The following FRMD3 variants were observed in gnomAD, a reference collection of about 807,000 sequenced individuals.
The protein encoded by FRMD3 is FERM domain-containing protein 3.
In FRMD3, 33 loss-of-function variants were observed where a neutral mutation model predicts 70.2. That is an observed-to-expected ratio of 0.47 (90% CI 0.36 to 0.63). The LOEUF is 0.63. FRMD3 is among the 20% of genes least tolerant of loss of function. FRMD3 has a pLI of 0.00. For missense variants in FRMD3, 632 were observed against 711.4 expected (o/e 0.89, Z 1.27); for synonymous variants, 279 against 255.9 (o/e 1.09, Z -0.86).
chr9:83,367,067 C>T (rs1274818676), intron 3 of FRMD3, among the ~76,000 whole-genome samples: 2 of 152,330 alleles, frequency 1.3e-5, no homozygotes, highest in Non-Finnish European at 2.9e-5. Context: ...TGAGAAGTCA[C>T]TGTTATGTTG....
intron 3 of FRMD3, among the ~76,000 whole-genome samples, chr9:83,368,789 C>T (rs1166900000): frequency 6.6e-6 from 1 of 152,096 alleles, no homozygotes; most frequent in African/African-American, 2.4e-5. Flanking sequence ...GCTAAAAGCT[C>T]CTTGACTAGA....
intron 2 of FRMD3, among the ~76,000 whole-genome samples, chr9:83,379,019 C>T (rs72745011): frequency 0.29 from 43,069 of 150,766 alleles, 6,241 homozygotes; most frequent in South Asian, 0.31. Flanking sequence ...TGAGCCACCA[C>T]GCCCAGCCTG....
chr9:83,372,622 G>C (rs80089246), intron 3 of FRMD3, among the ~76,000 whole-genome samples: 6,675 of 152,076 alleles, frequency 0.044, 221 homozygotes, highest in East Asian at 0.18. Flanking sequence ...TGGTGGCTGT[G>C]TTTAAGAGGT....
the FRMD3 span, among the ~76,000 whole-genome samples, chr9:83,581,378 G>A: frequency 3.0e-4 from 46 of 152,222 alleles, no homozygotes; most frequent in East Asian, 1.9e-4. Context: ...CTCAACTTCC[G>A]TAATCATTGA....
chr9:83,354,890 AAAAAT>A (rs1434095059), intron 3 of FRMD3, among the ~76,000 whole-genome samples: 1 of 152,198 alleles, frequency 6.6e-6, no homozygotes, highest in Non-Finnish European at 1.5e-5. Flanking sequence ...TACCTTGAAA[AAAAAT>A]AAAACACTCA....
At chr9:83,342,697 TAGA>T (rs1278057266) in intron 5 of FRMD3, among the ~76,000 whole-genome samples, 8 of 71,890 alleles carry the variant, frequency 1.1e-4, no homozygotes, top group South Asian at 3.9e-4. Flanking sequence ...ATAGATTAGA[TAGA>T]TAGATAGATA....
At chr9:83,454,742 C>T (rs999589996) in intron 1 of FRMD3, among the ~76,000 whole-genome samples, 2 of 152,186 alleles carry the variant, frequency 1.3e-5, no homozygotes, top group African/African-American at 4.8e-5. Context: ...TCACACAACC[C>T]ACCAGCCACC....
At chr9:83,324,929 C>G (rs1835951679) in intron 6 of FRMD3, among the ~76,000 whole-genome samples, 1 of 152,218 alleles carries the variant, frequency 6.6e-6, no homozygotes, top group South Asian at 2.1e-4. Context: ...TCACCAATAT[C>G]TTATGGTCAA....
the FRMD3 span, among the ~76,000 whole-genome samples, chr9:83,548,127 G>A: frequency 1.3e-5 from 2 of 152,188 alleles, no homozygotes; most frequent in Non-Finnish European, 2.9e-5. Context: ...TGGTGGAAAT[G>A]TAAAATGGTA....
intron 1 of FRMD3, among the ~76,000 whole-genome samples, chr9:83,477,227 G>C (rs1021350454): frequency 2.6e-5 from 4 of 152,144 alleles, no homozygotes; most frequent in Admixed American, 2.6e-4. Flanking sequence ...CCCAGTGTAG[G>C]AACTTTTGAC....
At position 83,245,103 on chromosome 9, in the gene FRMD3, A is replaced by G. The variant is rs1048223; in HGVS notation, c.*2815T>C. ...TGAGAGGGAGAAGAACCAATAATAC[A>G]TCTCAAATTCCTCAATTAGGGCAAA... On this transcript the variant is annotated 3_prime_UTR_variant, in exon 14 of 14. Transcript: ENST00000304195. 0.66 allele frequency: 654,780 copies of G among 984,976 alleles called. 223,144 individuals are homozygous for G. Among genetic ancestry groups the G allele is most frequent in the South Asian group, 0.71 (15,102 of 21,274 alleles). 61.0% of individuals were successfully genotyped at this position (984,976 alleles called of 1,614,324 possible). A position where few individuals can be genotyped will look rare whatever the true frequency, so the allele number is the denominator to read the frequency against.
intron 13 of FRMD3, among the ~76,000 whole-genome samples, chr9:83,273,635 A>G (rs532089347): frequency 0.024 from 3,353 of 138,280 alleles, 115 homozygotes; most frequent in African/African-American, 0.088. Context: ...AAACCTGGGG[A>G]AAAAAAAAAA....
intron 1 of FRMD3, among the ~76,000 whole-genome samples, chr9:83,434,226 C>A (rs946416747): frequency 6.6e-6 from 1 of 152,218 alleles, no homozygotes; most frequent in Non-Finnish European, 1.5e-5. Context: ...GTCCTCTGAG[C>A]CTCTGATGGA....
Position 83,509,009 on chromosome 9 carries a change from C to T in FRMD3, c.147+29076G>A, listed in dbSNP as rs140939674. Among the ~76,000 whole-genome samples the T allele has an allele frequency of 2.0e-5, 3 of 148,412 alleles. No individual in the cohort carries two copies. The South Asian group carries it at 6.8e-4, about 34-fold the overall frequency. ...CACCCCCAATGCCTTTCCTTCCCCC[C>T]CTCCCCTCCTTGCCTCCTCCCCAAC... is the stretch of plus-strand genomic sequence containing the variant. On this transcript the variant is annotated intron_variant, in intron 1 of 13. Coordinates refer to ENST00000304195, the MANE Select transcript of FRMD3 (RefSeq NM_174938.6).
chr9:83,338,313 C>A (rs1402089584), intron 5 of FRMD3, among the ~76,000 whole-genome samples: 1 of 152,196 alleles, frequency 6.6e-6, no homozygotes, highest in Non-Finnish European at 1.5e-5. Flanking sequence ...GTTGCTCCTC[C>A]AGAGAGCAAG....
chr9:83,290,864 A>G, intron 12 of FRMD3, 137 bp from the exon 13 acceptor site: 1 of 863,766 alleles, frequency 1.2e-6, no homozygotes, highest in Non-Finnish European at 1.8e-6. Flanking sequence ...CCAGTAGTAA[A>G]GATGACGTAA....
intron 1 of FRMD3, among the ~76,000 whole-genome samples, chr9:83,526,459 G>T (rs1829685141): frequency 6.6e-6 from 1 of 152,188 alleles, no homozygotes; most frequent in South Asian, 2.1e-4. Context: ...TTTACACCAA[G>T]CAAGCAAGAG....
At chr9:83,522,399 G>A (rs546398554) in intron 1 of FRMD3, among the ~76,000 whole-genome samples, 5 of 152,006 alleles carry the variant, frequency 3.3e-5, no homozygotes, top group Admixed American at 1.3e-4. Flanking sequence ...CGGCTGGGGG[G>A]GCAGGGAGCT....
intron 1 of FRMD3, among the ~76,000 whole-genome samples, chr9:83,504,006 C>T (rs547268991): frequency 1.5e-4 from 23 of 152,228 alleles, no homozygotes; most frequent in African/African-American, 3.4e-4. Flanking sequence ...GAGGTGGTAA[C>T]GGAAGAGAAT....
Sources: allele counts gnomAD v4.1 joint callset (sites outside exome capture counted in the v4.1 genomes callset), GRCh38; gene constraint gnomAD v4.1.1; transcripts MANE v1.5; gene names NCBI Gene and HGNC (gene_info 2026-07-23, HGNC 2026-07-21).